TGFBR3: variants seen among roughly 807,000 people sequenced by gnomAD.
TGFBR3 encodes the protein transforming growth factor beta receptor 3, also known as transforming growth factor beta receptor type 3.
A neutral mutation model predicts 87.9 loss-of-function variants in TGFBR3; 46 were observed. The ratio of observed to expected loss-of-function variants is 0.52; its 90% CI spans 0.41 to 0.67. The LOEUF is 0.67. Ranked by LOEUF, TGFBR3 falls within the 30% of genes least tolerant of loss-of-function variation. The probability of loss-of-function intolerance (pLI) is 0.00; values close to 1 mark genes in which losing one functional copy is unlikely to be tolerated. For synonymous variants in TGFBR3, 381 were observed against 391.6 expected, an observed-to-expected ratio of 0.97 and a Z score of 0.32; for missense variants, 866 against 1,041.9, an observed-to-expected ratio of 0.83 and a Z score of 2.32.
intron 13 of TGFBR3, 100 bp from the exon 14 acceptor site, chr1:91,708,883 A>T: frequency 6.7e-7 from 1 of 1,502,148 alleles, no homozygotes; most frequent in Non-Finnish European, 9.1e-7. Context: ...ATCAGACAGC[A>T]CACAGCTGTT....
upstream of TGFBR3, among the ~76,000 whole-genome samples, chr1:91,890,735 G>C (rs555265576): frequency 6.6e-6 from 1 of 151,846 alleles, no homozygotes; most frequent in African/African-American, 2.4e-5. Context: ...TCATTTTACA[G>C]ATTAGGAAAT....
At chr1:91,901,536 G>GTTA (rs1308626908) in intron 1 of TGFBR3, among the ~76,000 whole-genome samples, 1 of 151,958 alleles carries the variant, frequency 6.6e-6, no homozygotes, top group Non-Finnish European at 1.5e-5. Flanking sequence ...TATTACAAAT[G>GTTA]TTATTGTATA....
chr1:91,691,961 G>A (rs959958088), intron 16 of TGFBR3, among the ~76,000 whole-genome samples: 2 of 152,074 alleles, frequency 1.3e-5, no homozygotes, highest in Non-Finnish European at 2.9e-5. Flanking sequence ...TTGCGCCATT[G>A]CACTCCAGCC....
chr1:91,828,697 C>T (rs1676736344), intron 2 of TGFBR3, among the ~76,000 whole-genome samples: 1 of 152,200 alleles, frequency 6.6e-6, no homozygotes, highest in Non-Finnish European at 1.5e-5. Context: ...CCAAGGCACA[C>T]TACTAAAGTT....
intron 2 of TGFBR3, among the ~76,000 whole-genome samples, chr1:91,860,384 G>C (rs929176934): frequency 6.6e-6 from 1 of 152,064 alleles, no homozygotes; most frequent in Non-Finnish European, 1.5e-5. Context: ...ATCACTTTTC[G>C]AGTCAATGCT....
At chr1:91,724,476 A>G (rs528480005) in intron 7 of TGFBR3, among the ~76,000 whole-genome samples, 1 of 152,316 alleles carries the variant, frequency 6.6e-6, no homozygotes, top group South Asian at 2.1e-4. Context: ...TCGTATTTCC[A>G]GAACACTATC....
chr1:91,875,799 GGA>G (rs1571595495), intron 1 of TGFBR3, among the ~76,000 whole-genome samples: 2 of 50,036 alleles, frequency 4.0e-5, no homozygotes, highest in African/African-American at 1.3e-4. Flanking sequence ...GGGGGGGGTG[GGA>G]GTGTGCAGCT....
chr1:91,691,831 G>T (rs1306311540), intron 16 of TGFBR3, among the ~76,000 whole-genome samples: 2 of 152,144 alleles, frequency 1.3e-5, no homozygotes, highest in Non-Finnish European at 2.9e-5. Context: ...ATTAAAAGGA[G>T]ATTGAGACAG....
At chr1:91,778,205 G>A (rs1403098659) in intron 3 of TGFBR3, among the ~76,000 whole-genome samples, 2 of 150,806 alleles carry the variant, frequency 1.3e-5, no homozygotes, top group Non-Finnish European at 2.9e-5. Flanking sequence ...GACACCCTTA[G>A]TTTACATTTC....
chr1:91,902,271 T>TTTTTTTTTG (rs534984244), intron 1 of TGFBR3, among the ~76,000 whole-genome samples: 3 of 148,354 alleles, frequency 2.0e-5, no homozygotes, highest in Non-Finnish European at 3.0e-5. Context: ...TCCTTTTCTT[T>TTTTTTTTTG]TGTGTGTGTG....
chr1:91,847,263 T>TA (rs943127189), intron 2 of TGFBR3, among the ~76,000 whole-genome samples: 4 of 152,152 alleles, frequency 2.6e-5, no homozygotes, highest in South Asian at 2.1e-4. Flanking sequence ...TTTTCCCTTC[T>TA]AAAAAATGTT....
intron 2 of TGFBR3, among the ~76,000 whole-genome samples, chr1:91,898,613 T>A (rs974512528): frequency 6.6e-6 from 1 of 152,104 alleles, no homozygotes; most frequent in Non-Finnish European, 1.5e-5. Flanking sequence ...ATTTTTTTTT[T>A]ATTTTTAGTA....
chr1:91,780,163 A>T (rs1674710450), intron 3 of TGFBR3, among the ~76,000 whole-genome samples: 1 of 152,240 alleles, frequency 6.6e-6, no homozygotes, highest in Admixed American at 6.5e-5. Context: ...TATAAAGGCA[A>T]CATTCCCAGG....
At chr1:91,842,546 T>C (rs1265357873) in intron 2 of TGFBR3, among the ~76,000 whole-genome samples, 1 of 152,134 alleles carries the variant, frequency 6.6e-6, no homozygotes, top group African/African-American at 2.4e-5. Flanking sequence ...ATCCAGGTGC[T>C]CAGTTCAAAT....
At chr1:91,705,371 G>A (rs1214662120) in intron 14 of TGFBR3, among the ~76,000 whole-genome samples, 3 of 151,708 alleles carry the variant, frequency 2.0e-5, no homozygotes, top group East Asian at 1.9e-4. Flanking sequence ...TTACAGGCGT[G>A]TGCCATGACG....
intron 12 of TGFBR3, among the ~76,000 whole-genome samples, chr1:91,715,803 G>C (rs1672143082): frequency 6.6e-6 from 1 of 152,082 alleles, no homozygotes; most frequent in African/African-American, 2.4e-5. Context: ...GTGGCGGCAT[G>C]GACCCACAGG....
intron 7 of TGFBR3, among the ~76,000 whole-genome samples, chr1:91,725,952 G>A (rs755083270): frequency 6.6e-6 from 1 of 152,224 alleles, no homozygotes; most frequent in East Asian, 1.9e-4. Context: ...CTGAAACAGG[G>A]AATTAGAAAA....
chr1:91,706,371 G>T (rs1200628585), intron 14 of TGFBR3, among the ~76,000 whole-genome samples: 1 of 152,148 alleles, frequency 6.6e-6, no homozygotes, highest in Non-Finnish European at 1.5e-5. Flanking sequence ...CCAAAACCAA[G>T]ATGGCAATGA....
At chr1:91,773,617 G>A (rs777638539) in intron 3 of TGFBR3, among the ~76,000 whole-genome samples, 4 of 152,228 alleles carry the variant, frequency 2.6e-5, no homozygotes, top group Admixed American at 2.0e-4. Flanking sequence ...AGGAGGCAGA[G>A]GTTGCGGTGA....
Sources: gnomAD v4.1 joint callset for allele counts (sites outside exome capture counted in the v4.1 genomes callset) on GRCh38, gnomAD v4.1.1 for gene constraint, MANE v1.5 for transcripts, NCBI Gene and HGNC (gene_info 2026-07-23, HGNC 2026-07-21) for gene names.